Variants in MTUS2 observed in about 807,000 individuals in gnomAD.
MTUS2 encodes microtubule associated scaffold protein 2.
A neutral mutation model predicts 114.1 loss-of-function variants in MTUS2; 40 were observed. The observed-to-expected ratio is 0.35, with a 90% CI of 0.27 to 0.46. MTUS2 has a LOEUF of 0.46. MTUS2 is among the 20% of genes least tolerant of loss of function. The pLI is 1.00. For missense variants in MTUS2, 1,679 were observed against 1,705.4 expected (o/e 0.98, Z 0.27); for synonymous variants, 688 against 672.0 (o/e 1.02, Z -0.37).
chr13:28,844,125 C>A (rs982984716), intron 2 of MTUS2, among the ~76,000 whole-genome samples: 2 of 152,068 alleles, frequency 1.3e-5, no homozygotes, highest in Non-Finnish European at 2.9e-5. Context: ...GGATTTCTGC[C>A]CTCTCCTTGT....
chr13:29,470,142 AACCT>A (rs1294165462), intron 9 of MTUS2, among the ~76,000 whole-genome samples: 1 of 152,136 alleles, frequency 6.6e-6, no homozygotes, highest in African/African-American at 2.4e-5. Context: ...CACAACTATT[AACCT>A]ACCCCACCGC....
chr13:29,445,910 A>G (rs1878243669), intron 9 of MTUS2, among the ~76,000 whole-genome samples: 2 of 148,354 alleles, frequency 1.3e-5, no homozygotes, highest in Non-Finnish European at 3.0e-5. Flanking sequence ...TCTGTCTCCA[A>G]AAAAAAAAAA....
At chr13:29,472,521 G>C (rs1446229432) in intron 9 of MTUS2, among the ~76,000 whole-genome samples, 1 of 152,188 alleles carries the variant, frequency 6.6e-6, no homozygotes, top group African/African-American at 2.4e-5. Context: ...AAAGACATTT[G>C]CCACCAGGGG....
intron 2 of MTUS2, among the ~76,000 whole-genome samples, chr13:28,989,344 C>T (rs1054830814): frequency 6.6e-6 from 1 of 152,128 alleles, no homozygotes; most frequent in Admixed American, 6.5e-5. Context: ...ATAGTGACAC[C>T]TTTTTCGATA....
intron 4 of MTUS2, among the ~76,000 whole-genome samples, chr13:29,040,999 G>A (rs1887327874): frequency 6.6e-6 from 1 of 151,882 alleles, no homozygotes; most frequent in Non-Finnish European, 1.5e-5. Flanking sequence ...TTTTCCATTT[G>A]CTTTTGGGTT....
chr13:29,497,251 C>T lies in MTUS2; in HGVS notation c.3593C>T (p.Thr1198Met), dbSNP rs762596190. 2.0e-5 allele frequency: 33 copies of T among 1,612,160 alleles called. No individual in the cohort carries two copies. In the Middle Eastern group the frequency reaches 6.6e-4, roughly 32 times the overall value. ...CATTACTTGCAGGACCAGGTGGACA[C>T]GCTGACCTTCCAGAGCCAGTCTCTG... is the stretch of plus-strand genomic sequence containing the variant. The part of the protein sequence containing the change: ...LRLSLQDQVD[T>M]LTFQSQSLRD... The change falls in exon 13 of 16, where the codon ACG (threonine) becomes ATG (methionine). Residue 1198 changes from threonine (T) to methionine (M), a missense_variant. By Grantham distance (81) the Thr-to-Met change is moderately conservative. This residue lies in a region of MTUS2 where 822 missense variants were observed against 899.7 expected (regional missense o/e 0.91). Transcript: ENST00000612955.
chr13:29,019,129 A>G (rs1228221971), intron 2 of MTUS2, among the ~76,000 whole-genome samples: 1 of 152,150 alleles, frequency 6.6e-6, no homozygotes, highest in African/African-American at 2.4e-5. Flanking sequence ...ATGAGAGGCA[A>G]CGTTACAATT....
chr13:28,958,499 G>C (rs1171159491), intron 2 of MTUS2, among the ~76,000 whole-genome samples: 1 of 152,156 alleles, frequency 6.6e-6, no homozygotes, highest in African/African-American at 2.4e-5. Flanking sequence ...ATGAAGTGAA[G>C]AGTCTGTTAT....
At chr13:29,068,793 A>G (rs145858798) in intron 4 of MTUS2, among the ~76,000 whole-genome samples, 13 of 152,290 alleles carry the variant, frequency 8.5e-5, no homozygotes, top group African/African-American at 3.1e-4. Flanking sequence ...GTAGAGTGTC[A>G]GGGGAAAGAT....
chr13:29,160,899 G>T (rs1214470734), intron 5 of MTUS2, among the ~76,000 whole-genome samples: 1 of 152,214 alleles, frequency 6.6e-6, no homozygotes, highest in Non-Finnish European at 1.5e-5. Context: ...TTGATTGAGT[G>T]CAAAAAGCCA....
chr13:28,891,007 TC>T (rs1210830834), intron 2 of MTUS2, among the ~76,000 whole-genome samples: 1 of 152,208 alleles, frequency 6.6e-6, no homozygotes, highest in Non-Finnish European at 1.5e-5. Flanking sequence ...CTGTCATGTT[TC>T]CCAGAGTCTC....
intron 9 of MTUS2, among the ~76,000 whole-genome samples, chr13:29,454,924 A>G (rs1323959226): frequency 1.3e-5 from 2 of 152,212 alleles, no homozygotes; most frequent in Non-Finnish European, 2.9e-5. Context: ...TGGATGTGAT[A>G]ACCACCAGTA....
At chr13:29,283,132 C>T (rs1057506151) in intron 6 of MTUS2, among the ~76,000 whole-genome samples, 1 of 152,164 alleles carries the variant, frequency 6.6e-6, no homozygotes. Context: ...TAGGTGTTAT[C>T]CCTTTCTAGA....
Position 29,252,713 on chromosome 13 carries a change from A to G in MTUS2, c.2645-28991A>G, listed in dbSNP as rs891496697. On this transcript the variant is annotated intron_variant, in intron 5 of 15. Transcript: ENST00000612955. ...CCCCATACTGTTCTCATGGTAGTGAATAAGTCTCACGAGATCCCTCATACT... is the reference window on the plus strand; with the variant it reads ...CCCCATACTGTTCTCATGGTAGTGAGTAAGTCTCACGAGATCCCTCATACT... 4.6e-5 allele frequency among the ~76,000 whole-genome samples: 7 copies of G among 152,028 alleles called. No individual in the cohort carries two copies. The East Asian group carries it at 5.8e-4, about 13-fold the overall frequency.
intron 1 of MTUS2, among the ~76,000 whole-genome samples, chr13:28,836,124 C>A (rs947407458): frequency 6.6e-6 from 1 of 151,968 alleles, no homozygotes; most frequent in Non-Finnish European, 1.5e-5. Flanking sequence ...ATTTAAAAAT[C>A]AAAAAGAAAC....
At chr13:29,363,010 A>C (rs763989767) in intron 8 of MTUS2, among the ~76,000 whole-genome samples, 46 of 152,220 alleles carry the variant, frequency 3.0e-4, no homozygotes, top group Non-Finnish European at 5.6e-4. Context: ...CTGCCCCTGC[A>C]GCAAGGTATG....
intron 8 of MTUS2, among the ~76,000 whole-genome samples, chr13:29,424,630 CATGAAGCACACAGCATCACCTCTGAG>C (rs933606041): frequency 1.8e-4 from 27 of 152,186 alleles, no homozygotes; most frequent in Admixed American, 7.9e-4. Flanking sequence ...CAGAATGAAA[CATGAAGCACACAGCATCACCTCTGAG>C]ATGTTATCCC....
At chr13:29,379,315 C>T (rs1205270131) in intron 8 of MTUS2, among the ~76,000 whole-genome samples, 1 of 152,120 alleles carries the variant, frequency 6.6e-6, no homozygotes, top group African/African-American at 2.4e-5. Flanking sequence ...CATGAGTCTC[C>T]TGGAAGACTC....
intron 2 of MTUS2, among the ~76,000 whole-genome samples, chr13:28,988,998 C>T (rs1488047053): frequency 6.6e-6 from 1 of 152,226 alleles, no homozygotes; most frequent in Non-Finnish European, 1.5e-5. Flanking sequence ...TGTTTGTAAA[C>T]CAGCTTGGCT....
Sources: gnomAD v4.1 joint callset for allele counts (sites outside exome capture counted in the v4.1 genomes callset) on GRCh38, gnomAD v4.1.1 for gene constraint, gnomAD v4.1.1 regional missense constraint, MANE v1.5 for transcripts, NCBI Gene and HGNC (gene_info 2026-07-23, HGNC 2026-07-21) for gene names.